The following PKHD1 variants were observed in gnomAD, a reference collection of about 807,000 sequenced individuals.
PKHD1 encodes the protein fibrocystin.
PKHD1 carries 291 observed loss-of-function variants against 412.0 expected under a neutral mutation model. The ratio of observed to expected loss-of-function variants is 0.71; its 90% CI spans 0.64 to 0.78. PKHD1 has a LOEUF of 0.78. Ranked by LOEUF, PKHD1 falls within the 30% of genes least tolerant of loss-of-function variation. The pLI is 0.00. For missense variants in PKHD1, 4,825 were observed against 4,950.7 expected (o/e 0.97, Z 0.76); for synonymous variants, 1,777 against 1,821.5 (o/e 0.98, Z 0.62).
chr6:51,749,553 TCA>T (rs1183368771), intron 57 of PKHD1, among the ~76,000 whole-genome samples: 1 of 152,186 alleles, frequency 6.6e-6, no homozygotes, highest in Non-Finnish European at 1.5e-5. Flanking sequence ...ACTTTAACTC[TCA>T]CATAACACTC....
chr6:51,694,868 C>T (rs1324334430), intron 60 of PKHD1, among the ~76,000 whole-genome samples: 1 of 152,122 alleles, frequency 6.6e-6, no homozygotes, highest in Non-Finnish European at 1.5e-5. Context: ...TGTACTGCCA[C>T]ATTGTCACTG....
rs182127590 is a variant in PKHD1, at chr6:51,935,802, G to A, written c.5909-1480C>T. On this transcript the variant is annotated intron_variant, in intron 36 of 66. Coordinates refer to ENST00000371117, the MANE Select transcript of PKHD1 (RefSeq NM_138694.4). Reference sequence around the variant, plus strand: ...TCTGGAAGGTTCTTTTGATATTCCCGTGAATATCATGAATAAGAATTATCA... The same window carrying A: ...TCTGGAAGGTTCTTTTGATATTCCCATGAATATCATGAATAAGAATTATCA... Among the ~76,000 whole-genome samples, 411 of 152,178 alleles carry A rather than the reference G, an allele frequency of 2.7e-3. 2 individuals carry two copies. Among genetic ancestry groups the A allele is most frequent in the Non-Finnish European group, 5.1e-3 (346 of 68,016 alleles).
chr6:51,894,516 G>C (rs1422326198), intron 43 of PKHD1, among the ~76,000 whole-genome samples: 1 of 152,242 alleles, frequency 6.6e-6, no homozygotes, highest in Non-Finnish European at 1.5e-5. Context: ...AACTAGCAAG[G>C]TGACTGACTG....
chr6:52,072,282 T>A (rs1380167920), intron 7 of PKHD1, 93 bp from the exon 8 acceptor site: 33 of 814,376 alleles, frequency 4.1e-5, no homozygotes, highest in Non-Finnish European at 1.0e-5. Context: ...GAAACATGGC[T>A]ATGAACACTC....
At chr6:52,059,253 C>CTTTTTTTTTT (rs1282772885) in intron 15 of PKHD1, among the ~76,000 whole-genome samples, 2 of 98,274 alleles carry the variant, frequency 2.0e-5, no homozygotes, top group Non-Finnish European at 4.1e-5. Context: ...TTTTCTTTTT[C>CTTTTTTTTTT]TTTTTCTTTT....
intron 52 of PKHD1, among the ~76,000 whole-genome samples, chr6:51,828,717 A>G (rs1767745115): frequency 6.6e-6 from 1 of 152,110 alleles, no homozygotes; most frequent in Non-Finnish European, 1.5e-5. Context: ...TAGGAATGAA[A>G]GAAACAAGGG....
At chr6:51,797,477 G>C (rs1794793388) in intron 52 of PKHD1, among the ~76,000 whole-genome samples, 1 of 152,146 alleles carries the variant, frequency 6.6e-6, no homozygotes, top group African/African-American at 2.4e-5. Context: ...ATGAATCTGG[G>C]TGCTACAGTA....
chr6:52,043,756 C>A, intron 25 of PKHD1, 26 bp from the exon 26 acceptor site: 1 of 1,495,454 alleles, frequency 6.7e-7, no homozygotes, highest in Non-Finnish European at 9.3e-7. Flanking sequence ...ATTTCTTTTC[C>A]ATTTTATGCA....
At chr6:51,776,169 T>G (rs1790993611) in intron 53 of PKHD1, among the ~76,000 whole-genome samples, 2 of 152,072 alleles carry the variant, frequency 1.3e-5, no homozygotes, top group Non-Finnish European at 2.9e-5. Context: ...TAAACTTTCC[T>G]GACCTACTAA....
At chr6:52,051,247 A>T (rs1255518260) in intron 21 of PKHD1, among the ~76,000 whole-genome samples, 1 of 152,232 alleles carries the variant, frequency 6.6e-6, no homozygotes, top group Non-Finnish European at 1.5e-5. Flanking sequence ...AGGTGGGGAT[A>T]ACAGGACCAA....
At chr6:51,819,714 T>C (rs1766061575) in intron 52 of PKHD1, among the ~76,000 whole-genome samples, 1 of 152,216 alleles carries the variant, frequency 6.6e-6, no homozygotes. Flanking sequence ...AAATAGTTGC[T>C]GAATAAATGC....
At chr6:51,696,822 C>T (rs574013042) in intron 60 of PKHD1, among the ~76,000 whole-genome samples, 3 of 152,182 alleles carry the variant, frequency 2.0e-5, no homozygotes, top group East Asian at 1.9e-4. Context: ...ACCAAACTGA[C>T]GACCAATCCT....
chr6:51,648,969 T>G, intron 62 of PKHD1, 116 bp downstream of exon 62: 1 of 983,432 alleles, frequency 1.0e-6, no homozygotes. Flanking sequence ...GTGCAACAAA[T>G]TGCACCCAGT....
At chr6:52,052,258 C>T (rs1274676501) in intron 21 of PKHD1, among the ~76,000 whole-genome samples, 3 of 152,188 alleles carry the variant, frequency 2.0e-5, no homozygotes, top group African/African-American at 7.2e-5. Context: ...AGCCTGAAGA[C>T]ACTGAGGGCA....
rs1160858819 is a variant in PKHD1, at chr6:51,748,289, G to C, written c.9327C>G (p.His3109Gln). ...AAAGCAGTTCACAAGAGGAGCACTT[G>C]TGGCCTCGGATGTGAAAGCCAAGTC... ...SERLGFHIRG[H>Q]KCSSCELLWS... Residue 3109 changes from histidine to glutamine, a missense_variant, in exon 58 of 67, where the codon CAC (histidine) becomes CAG (glutamine). By Grantham distance (24) the His-to-Gln change is conservative. Transcript: ENST00000371117. 9 of 1,614,050 alleles carry C rather than the reference G, an allele frequency of 5.6e-6. No individual in the cohort carries two copies. The highest frequency in any genetic ancestry group is 1.6e-4 in the Middle Eastern group (1 of 6,062).
At chr6:52,082,306 A>C in intron 4 of PKHD1, 86 bp downstream of exon 4, 1 of 1,339,316 alleles carries the variant, frequency 7.5e-7, no homozygotes, top group East Asian at 2.3e-5. Context: ...TCACAGCAAA[A>C]ATTGCTCTAA....
At chr6:52,003,387 C>G (rs1798674755) in intron 35 of PKHD1, among the ~76,000 whole-genome samples, 1 of 152,094 alleles carries the variant, frequency 6.6e-6, no homozygotes, top group Admixed American at 6.5e-5. Context: ...AGAAAATGAT[C>G]TCTAGTACTA....
chr6:51,800,581 T>C (rs1484605483), intron 52 of PKHD1, among the ~76,000 whole-genome samples: 3 of 152,228 alleles, frequency 2.0e-5, no homozygotes, highest in Non-Finnish European at 2.9e-5. Flanking sequence ...TCACTTTTTT[T>C]CCCAGCAAAG....
intron 46 of PKHD1, among the ~76,000 whole-genome samples, chr6:51,872,590 G>A (rs1422262073): frequency 6.6e-6 from 1 of 152,072 alleles, no homozygotes; most frequent in Non-Finnish European, 1.5e-5. Context: ...TGTACTTTTA[G>A]TAGAGACAGG....
Sources: allele counts gnomAD v4.1 joint callset (sites outside exome capture counted in the v4.1 genomes callset), GRCh38; gene constraint gnomAD v4.1.1; transcripts MANE v1.5; gene names NCBI Gene and HGNC (gene_info 2026-07-23, HGNC 2026-07-21).